TSNAX: variants seen among roughly 807,000 people sequenced by gnomAD.
TSNAX encodes translin associated factor X, also known as translin-associated protein X.
Under a neutral mutation model 33.0 loss-of-function variants are expected in TSNAX, and 12 were observed. The ratio of observed to expected loss-of-function variants is 0.36; its 90% CI spans 0.23 to 0.59. TSNAX has a LOEUF of 0.59. Among genes scored for constraint, TSNAX ranks in the 20% least tolerant of loss-of-function variants. The probability of loss-of-function intolerance (pLI) is 0.74; values close to 1 mark genes in which losing one functional copy is unlikely to be tolerated. For missense variants in TSNAX, 267 were observed against 341.3 expected, an observed-to-expected ratio of 0.78 and a Z score of 1.72; for synonymous variants, 110 against 117.2, an observed-to-expected ratio of 0.94 and a Z score of 0.40.
chr1:231,556,089 A>G (rs760525398), intron 4 of TSNAX, among the ~76,000 whole-genome samples: 1 of 152,238 alleles, frequency 6.6e-6, no homozygotes, highest in Non-Finnish European at 1.5e-5. Context: ...TACGGAGACA[A>G]TGATATGGTA....
chr1:231,551,638 A>G (rs999687012), intron 4 of TSNAX, among the ~76,000 whole-genome samples: 2 of 151,892 alleles, frequency 1.3e-5, no homozygotes, highest in African/African-American at 2.4e-5. Flanking sequence ...AGTGGTACCA[A>G]TTTGCTCAAT....
Position 231,529,312 on chromosome 1 carries a change from A to G in TSNAX, c.74A>G (p.Glu25Gly). 1.2e-6 allele frequency: 2 copies of G among 1,614,212 alleles called. No individual in the cohort carries two copies. Among genetic ancestry groups the G allele is most frequent in the African/African-American group, 1.3e-5 (1 of 75,062 alleles). The change falls in exon 2 of 6, where the codon GAA (glutamate) becomes GGA (glycine). Residue 25 changes from glutamate to glycine, a missense_variant. By Grantham distance (98) the Glu-to-Gly change is moderately conservative (BLOSUM62 -2). Around this residue, in one of 2 missense-constraint regions of TSNAX, gnomAD observed 200 missense variants for 214.1 expected, o/e 0.93. Coordinates refer to ENST00000366639, the MANE Select transcript of TSNAX (RefSeq NM_005999.3). Reference protein sequence around the residue: ...HDNFPHNQRREGKDVNSSSPV... With the variant: ...HDNFPHNQRRGGKDVNSSSPV... ...AATTTCCCACATAACCAAAGAAGAG[A>G]AGGGAAGGATGTTAATTCATCTTCA...
At chr1:231,559,831 T>TA (rs1660930901) in intron 4 of TSNAX, among the ~76,000 whole-genome samples, 2 of 151,744 alleles carry the variant, frequency 1.3e-5, no homozygotes, top group Admixed American at 6.5e-5. Flanking sequence ...TTTTTTTTCT[T>TA]AAACTACCAA....
chr1:231,532,131 A>ACACACACACACAC (rs1231238804), intron 2 of TSNAX, among the ~76,000 whole-genome samples: 3 of 85,150 alleles, frequency 3.5e-5, no homozygotes, highest in East Asian at 7.1e-4. Flanking sequence ...TAGTGGTAAT[A>ACACACACACACAC]ACACACACAC....
intron 4 of TSNAX, among the ~76,000 whole-genome samples, chr1:231,545,184 G>A (rs1659823566): frequency 6.6e-6 from 1 of 152,176 alleles, no homozygotes; most frequent in African/African-American, 2.4e-5. Context: ...AATTGGATTA[G>A]CATTAACAAT....
rs1661341517 is a variant in TSNAX, at chr1:231,565,090, T to C, written c.*185T>C. The C allele has an allele frequency of 5.4e-6, 4 of 744,118 alleles. No homozygotes were observed. The highest frequency in any genetic ancestry group is 3.3e-5 in the Admixed American group (1 of 30,548). The allele number at this position is 744,118 out of a possible 1,614,324, so 46.1% of individuals were successfully genotyped here. A position where few individuals can be genotyped will look rare whatever the true frequency, so the allele number is the denominator to read the frequency against. On this transcript the variant is annotated 3_prime_UTR_variant, in exon 6 of 6. Transcript: ENST00000366639. Reference sequence around the variant, plus strand: ...CAAATGAATCATTTCTTATATCTTATTCATGAAAGTTTGCATACAGATGTT... The same window carrying C: ...CAAATGAATCATTTCTTATATCTTACTCATGAAAGTTTGCATACAGATGTT...
intron 4 of TSNAX, among the ~76,000 whole-genome samples, chr1:231,552,828 CAT>C (rs1349085286): frequency 6.6e-6 from 1 of 152,180 alleles, no homozygotes; most frequent in Non-Finnish European, 1.5e-5. Flanking sequence ...CTGGATATCT[CAT>C]ATAAATTGAA....
chr1:231,539,558 C>T (rs16854521), intron 3 of TSNAX, among the ~76,000 whole-genome samples: 7,345 of 152,170 alleles, frequency 0.048, 210 homozygotes, highest in South Asian at 0.092. Context: ...GAAAAATCTG[C>T]GTTACTGTGT....
intron 3 of TSNAX, among the ~76,000 whole-genome samples, chr1:231,541,090 T>C (rs1659543501): frequency 6.6e-6 from 1 of 152,250 alleles, no homozygotes; most frequent in Non-Finnish European, 1.5e-5. Context: ...TTACATTTAA[T>C]GCAGTTATTG....
intron 3 of TSNAX, 33 bp downstream of exon 3, chr1:231,537,360 T>C (rs970875353): frequency 7.4e-7 from 1 of 1,344,762 alleles, no homozygotes; most frequent in African/African-American, 1.5e-5. Context: ...TATTACAGTT[T>C]GATACTAGCT....
At chr1:231,531,588 A>C (rs1658721019) in intron 2 of TSNAX, among the ~76,000 whole-genome samples, 1 of 152,214 alleles carries the variant, frequency 6.6e-6, no homozygotes, top group Non-Finnish European at 1.5e-5. Flanking sequence ...ATAATAAATA[A>C]TGAATACATA....
At chr1:231,560,099 C>A (rs1341905004) in intron 4 of TSNAX, among the ~76,000 whole-genome samples, 1 of 151,486 alleles carries the variant, frequency 6.6e-6, no homozygotes, top group Admixed American at 6.6e-5. Context: ...CCTGCCTCAG[C>A]CTCCTGTGTA....
chr1:231,562,196 T>A (rs1661163464), intron 5 of TSNAX, among the ~76,000 whole-genome samples: 1 of 148,406 alleles, frequency 6.7e-6, no homozygotes, highest in Non-Finnish European at 1.5e-5. Flanking sequence ...ATTAATTTAA[T>A]TTACTAAATA....
Position 231,542,540 on chromosome 1 carries a change from A to G in TSNAX, c.296A>G (p.Gln99Arg), listed in dbSNP as rs1428779847. 2 of 1,614,108 alleles carry G rather than the reference A, an allele frequency of 1.2e-6. No homozygotes were observed. Among genetic ancestry groups the G allele is most frequent in the African/African-American group, 2.7e-5 (2 of 75,060 alleles). Residue 99 changes from glutamine to arginine, a missense_variant, in exon 4 of 6, where the codon CAA becomes CGA. Gln to Arg is a conservative substitution (Grantham distance 43, BLOSUM62 1). Transcript: ENST00000366639. ...GAAATTAAATTGGATGGTGTCAGAC[A>G]AAAGATATTCCAGGTAGCCCAAGAG... is the stretch of plus-strand genomic sequence containing the variant. Reference protein sequence around the residue: ...ESEIKLDGVRQKIFQVAQELS... With the variant: ...ESEIKLDGVRRKIFQVAQELS...
chr1:231,550,595 AG>A (rs1259859191), intron 4 of TSNAX, among the ~76,000 whole-genome samples: 1 of 152,198 alleles, frequency 6.6e-6, no homozygotes, highest in Admixed American at 6.5e-5. Flanking sequence ...GTCTGGGGGA[AG>A]GGAGCCTTAT....
intron 2 of TSNAX, among the ~76,000 whole-genome samples, chr1:231,531,334 G>A (rs1035235540): frequency 3.9e-5 from 6 of 152,128 alleles, no homozygotes; most frequent in Non-Finnish European, 8.8e-5. Context: ...CTCTCAAGCC[G>A]ACTTGGTGAC....
intron 4 of TSNAX, among the ~76,000 whole-genome samples, chr1:231,557,259 A>T (rs1028032680): frequency 1.3e-5 from 2 of 151,798 alleles, no homozygotes; most frequent in African/African-American, 4.8e-5. Flanking sequence ...ACTGGAGGGA[A>T]CCTAGGACTG....
chr1:231,548,331 C>A (rs1392355088), intron 4 of TSNAX, among the ~76,000 whole-genome samples: 2 of 152,164 alleles, frequency 1.3e-5, no homozygotes, highest in African/African-American at 2.4e-5. Flanking sequence ...AATTGGAGCA[C>A]AGTAAAATGA....
intron 4 of TSNAX, among the ~76,000 whole-genome samples, chr1:231,560,808 C>G (rs928336148): frequency 2.6e-5 from 4 of 151,948 alleles, no homozygotes; most frequent in Non-Finnish European, 5.9e-5. Flanking sequence ...TACAGGCGCC[C>G]GCCACCATGT....
Sources: gnomAD v4.1 joint callset for allele counts (sites outside exome capture counted in the v4.1 genomes callset) on GRCh38, gnomAD v4.1.1 for gene constraint, gnomAD v4.1.1 regional missense constraint, MANE v1.5 for transcripts, NCBI Gene and HGNC (gene_info 2026-07-23, HGNC 2026-07-21) for gene names.